The following AGO4 variants were observed in gnomAD, a reference collection of about 807,000 sequenced individuals.
AGO4 encodes protein argonaute-4.
In AGO4, 33 loss-of-function variants were observed where a neutral mutation model predicts 104.7. The ratio of observed to expected loss-of-function variants is 0.32; its 90% CI spans 0.24 to 0.42. The LOEUF (loss-of-function observed/expected upper bound fraction) is 0.42. Ranked by LOEUF, AGO4 falls within the 10% of genes least tolerant of loss-of-function variation. The pLI is 1.00. For synonymous variants in AGO4, 331 were observed against 364.7 expected (o/e 0.91, Z 1.05); for missense variants, 711 against 1,083.4 (o/e 0.66, Z 4.83).
At position 35,833,974 on chromosome 1, in the gene AGO4, G is replaced by T. The variant is rs768967712; in HGVS notation, c.1380-16G>T. 1.4e-6 allele frequency: 2 copies of T among 1,467,604 alleles called. No homozygotes were observed. The highest frequency in any genetic ancestry group is 1.8e-6 in the Non-Finnish European group (2 of 1,100,312). 90.9% of individuals were successfully genotyped at this position (1,467,604 alleles called of 1,614,324 possible). ...CTGAAATGAAAAAAACCGTGTTACT[G>T]GTTCTATTTTAACAGGAGTTTCACT... On this transcript the variant is annotated splice_polypyrimidine_tract_variant and intron_variant, in intron 11 of 17. Transcript: ENST00000373210.
intron 2 of AGO4, among the ~76,000 whole-genome samples, chr1:35,817,506 G>A (rs1643749861): frequency 6.6e-6 from 1 of 152,186 alleles, no homozygotes; most frequent in East Asian, 1.9e-4. Context: ...AGAAAACTAA[G>A]CACAGAGAGA....
chr1:35,840,140 C>T (rs904762302), intron 13 of AGO4, among the ~76,000 whole-genome samples: 1 of 148,598 alleles, frequency 6.7e-6, no homozygotes, highest in African/African-American at 2.5e-5. Context: ...TACAGGTGAG[C>T]GCCTCCATGC....
Position 35,857,622 on chromosome 1 carries a change from GT to G in AGO4, c.*4020del, listed in dbSNP as rs996298668. On this transcript the variant is annotated 3_prime_UTR_variant, in exon 18 of 18. Coordinates refer to ENST00000373210, the MANE Select transcript of AGO4 (RefSeq NM_017629.4). Reference sequence around the variant, plus strand: ...TTTTTGGCCTGCAGGGATATTTTGTGTTTATGTGTCCAAAAAAGGAATAAAT... The same window carrying G: ...TTTTTGGCCTGCAGGGATATTTTGTGTTATGTGTCCAAAAAAGGAATAAAT... The G allele has an allele frequency of 2.0e-4, 30 of 152,226 alleles. No homozygotes were observed. The highest frequency in any genetic ancestry group is 6.7e-4 in the African/African-American group (28 of 41,562). 9.4% of individuals were successfully genotyped at this position (152,226 alleles called of 1,614,324 possible).
intron 3 of AGO4, among the ~76,000 whole-genome samples, chr1:35,823,403 C>A (rs1451684631): frequency 6.6e-6 from 1 of 152,072 alleles, no homozygotes; most frequent in Admixed American, 6.6e-5. Context: ...CAGGCATGTG[C>A]CACCACACCT....
chr1:35,840,190 C>A (rs897591396), intron 13 of AGO4, among the ~76,000 whole-genome samples: 1 of 151,502 alleles, frequency 6.6e-6, no homozygotes, highest in East Asian at 2.0e-4. Flanking sequence ...GACGGTCTTG[C>A]TCTGTCACCC....
Position 35,853,623 on chromosome 1 carries a change from C to T in AGO4, c.*18C>T, listed in dbSNP as rs773829850. The T allele has an allele frequency of 6.2e-7, 1 of 1,611,190 alleles. No individual in the cohort carries two copies. The highest frequency in any genetic ancestry group is 1.7e-5 in the Admixed American group (1 of 59,748). On this transcript the variant is annotated 3_prime_UTR_variant, in exon 18 of 18. Transcript: ENST00000373210. ...TTGCCTGAGAGTCTCAGAAAAAGAA[C>T]TCAACCAATTTGGCACCCCATGCAG...
chr1:35,813,139 G>A (rs914072932), intron 1 of AGO4, among the ~76,000 whole-genome samples: 1 of 152,138 alleles, frequency 6.6e-6, no homozygotes, highest in Non-Finnish European at 1.5e-5. Context: ...GCCGGGCGCA[G>A]TGGCTCACGC....
chr1:35,811,475 A>G (rs1007321290), intron 1 of AGO4, among the ~76,000 whole-genome samples: 1 of 151,396 alleles, frequency 6.6e-6, no homozygotes, highest in Non-Finnish European at 1.5e-5. Context: ...AAAAACAAAA[A>G]AAAAAACAAA....
At chr1:35,836,099 T>TATATGGGTGC in intron 13 of AGO4, 106 bp downstream of exon 13, 1 of 1,244,144 alleles carries the variant, frequency 8.0e-7, no homozygotes, top group Non-Finnish European at 1.1e-6. Flanking sequence ...TTTTCTCTTG[T>TATATGGGTGC]ATATATATGC....
chr1:35,830,487 G>T (rs542342282), intron 7 of AGO4, among the ~76,000 whole-genome samples: 2 of 152,268 alleles, frequency 1.3e-5, no homozygotes, highest in African/African-American at 4.8e-5. Context: ...GGTGTTACCT[G>T]ACCTCAAGTG....
At chr1:35,840,183 G>C (rs61776954) in intron 13 of AGO4, among the ~76,000 whole-genome samples, 9 of 143,216 alleles carry the variant, frequency 6.3e-5, no homozygotes, top group Admixed American at 6.2e-4. Context: ...TGTTTGAGAC[G>C]GTCTTGCTCT....
chr1:35,825,608 C>A, intron 4 of AGO4, 71 bp from the exon 5 acceptor site: 1 of 1,532,152 alleles, frequency 6.5e-7, no homozygotes, highest in East Asian at 2.3e-5. Context: ...ATTTCAGCTC[C>A]CAGAGTTGAG....
intron 16 of AGO4, 54 bp from the exon 17 acceptor site, chr1:35,850,795 AAAAAC>A (rs1644682161): frequency 2.5e-5 from 27 of 1,064,842 alleles, no homozygotes; most frequent in African/African-American, 6.4e-5. Flanking sequence ...AAAAAAAAAA[AAAAAC>A]AAAAACAAAA....
At chr1:35,838,735 G>T (rs1644372546) in intron 13 of AGO4, among the ~76,000 whole-genome samples, 1 of 152,072 alleles carries the variant, frequency 6.6e-6, no homozygotes, top group Non-Finnish European at 1.5e-5. Flanking sequence ...AATATCTCTG[G>T]GCCTCAGTTC....
At chr1:35,823,145 AT>A (rs1477551129) in intron 3 of AGO4, among the ~76,000 whole-genome samples, 163 bp downstream of exon 3, 4 of 152,234 alleles carry the variant, frequency 2.6e-5, no homozygotes, top group Non-Finnish European at 1.5e-5. Flanking sequence ...AGATATCAAA[AT>A]ATCACATGTA....
chr1:35,827,274 C>G (rs1644046808), intron 7 of AGO4, among the ~76,000 whole-genome samples: 1 of 152,080 alleles, frequency 6.6e-6, no homozygotes, highest in African/African-American at 2.4e-5. Context: ...TATCTCAGCA[C>G]TTTGGGAGGC....
rs186946737 is a variant in AGO4 at position 35,842,577 on chromosome 1, C to T, written c.2175+827C>T. On this transcript the variant is annotated intron_variant, in intron 15 of 17. Coordinates refer to ENST00000373210, the MANE Select transcript of AGO4 (RefSeq NM_017629.4). ...CAGCACTTTGGGAGGCTGAGGCGGGCGATCACTTGAGGTCAGGAGTTCGAG... is the reference window on the plus strand; with the variant it reads ...CAGCACTTTGGGAGGCTGAGGCGGGTGATCACTTGAGGTCAGGAGTTCGAG... Among the ~76,000 whole-genome samples the T allele has an allele frequency of 3.5e-3, 540 of 152,186 alleles. 2 individuals are homozygous for T. The highest frequency in any genetic ancestry group is 5.1e-3 in the Non-Finnish European group (348 of 67,980).
At chr1:35,823,749 A>AT (rs1365979165) in intron 3 of AGO4, among the ~76,000 whole-genome samples, 1 of 145,762 alleles carries the variant, frequency 6.9e-6, no homozygotes, top group African/African-American at 2.6e-5. Context: ...TATTATTATT[A>AT]TTATTTTTTT....
Position 35,853,853 on chromosome 1 carries a change from T to A in AGO4, c.*248T>A. ...GCACTGGACTGAATTTTTACCTCAA[T>A]GTGCAAAGGCTGATCAGCCTGAACT... On this transcript the variant is annotated 3_prime_UTR_variant, in exon 18 of 18. Coordinates refer to ENST00000373210, the MANE Select transcript of AGO4 (RefSeq NM_017629.4). 2.9e-6 allele frequency: 1 copy of A among 342,686 alleles called. No individual in the cohort carries two copies. Among genetic ancestry groups the A allele is most frequent in the Non-Finnish European group, 5.4e-6 (1 of 185,472 alleles). The allele number at this position is 342,686 out of a possible 1,614,324, so 21.2% of individuals were successfully genotyped here. A position where few individuals can be genotyped will look rare whatever the true frequency, so the allele number is the denominator to read the frequency against.
Sources: gnomAD v4.1 joint callset for allele counts (sites outside exome capture counted in the v4.1 genomes callset) on GRCh38, gnomAD v4.1.1 for gene constraint, MANE v1.5 for transcripts, NCBI Gene and HGNC (gene_info 2026-07-23, HGNC 2026-07-21) for gene names.